UNC5A: variants seen among roughly 807,000 people sequenced by gnomAD.
UNC5A encodes the protein netrin receptor UNC5A.
UNC5A carries 20 observed loss-of-function variants against 87.4 expected under a neutral mutation model. The observed-to-expected ratio is 0.23, with a 90% CI of 0.16 to 0.33. The LOEUF is 0.33. Ranked by LOEUF, UNC5A falls within the 10% of genes least tolerant of loss-of-function variation. UNC5A has a pLI of 1.00. For missense variants in UNC5A, 844 were observed against 1,133.4 expected (o/e 0.74, Z 3.67); for synonymous variants, 438 against 482.3 (o/e 0.91, Z 1.20).
intron 14 of UNC5A, 73 bp downstream of exon 14, chr5:176,879,561 T>G: frequency 6.5e-7 from 1 of 1,546,552 alleles, no homozygotes; most frequent in South Asian, 1.3e-5. Flanking sequence ...GTGGGTGAGG[T>G]GGACAGGAGG....
At chr5:176,828,300 C>T (rs993863136) in intron 1 of UNC5A, among the ~76,000 whole-genome samples, 2 of 152,172 alleles carry the variant, frequency 1.3e-5, no homozygotes, top group African/African-American at 2.4e-5. Context: ...TGTTTTAAAG[C>T]ATCAGGGTGA....
At chr5:176,860,876 T>C (rs1382245510) in intron 1 of UNC5A, among the ~76,000 whole-genome samples, 1 of 152,014 alleles carries the variant, frequency 6.6e-6, no homozygotes, top group Non-Finnish European at 1.5e-5. Context: ...AAAGCCAAGC[T>C]GGGGAGAGGC....
intron 1 of UNC5A, among the ~76,000 whole-genome samples, chr5:176,831,881 CTCTCTTTTTTT>C (rs1481878357): frequency 2.2e-4 from 7 of 31,242 alleles, no homozygotes; most frequent in African/African-American, 2.8e-4. Flanking sequence ...CACTTTCTCT[CTCTCTTTTTTT>C]TTTTTTTTTT....
chr5:176,850,027 G>A (rs977434454), intron 1 of UNC5A, among the ~76,000 whole-genome samples: 5 of 152,220 alleles, frequency 3.3e-5, no homozygotes, highest in African/African-American at 7.2e-5. Flanking sequence ...GGCTGACAGC[G>A]GAGGCAGGTG....
intron 1 of UNC5A, among the ~76,000 whole-genome samples, chr5:176,861,388 G>A (rs1307269827): frequency 1.3e-5 from 2 of 152,182 alleles, no homozygotes; most frequent in Non-Finnish European, 2.9e-5. Context: ...TGAACCCTCG[G>A]TCCGAGCCTG....
Position 176,875,265 on chromosome 5 carries a change from C to T in UNC5A, c.1378+699C>T, listed in dbSNP as rs553326881. On this transcript the variant is annotated intron_variant, in intron 8 of 14. Coordinates refer to ENST00000329542, the MANE Select transcript of UNC5A (RefSeq NM_133369.3). This position sits in a 1 kb window ranked among gnomAD's most constrained non-coding sequence, Gnocchi z 5.2. ...ATCCTTAGCCTGCAGTTCTCCCGGG[C>T]GACAGAACTGTACACCCAGCTGCCT... Among the ~76,000 whole-genome samples the T allele has an allele frequency of 7.9e-5, 12 of 152,268 alleles. 1 individual carries two copies. The highest frequency in any genetic ancestry group is 2.9e-5 in the Non-Finnish European group (2 of 68,024).
intron 9 of UNC5A, 71 bp downstream of exon 9, chr5:176,877,350 C>T: frequency 6.9e-7 from 1 of 1,450,754 alleles, no homozygotes; most frequent in Non-Finnish European, 9.5e-7. Context: ...AGGAAGCCCC[C>T]TGCCCACCCA....
intron 1 of UNC5A, among the ~76,000 whole-genome samples, chr5:176,835,898 T>C (rs1757140074): frequency 6.6e-6 from 1 of 152,180 alleles, no homozygotes; most frequent in South Asian, 2.1e-4. Context: ...ACAAAAGGCC[T>C]GGATGAATAA....
chr5:176,832,085 C>T (rs780654684), intron 1 of UNC5A, among the ~76,000 whole-genome samples: 2 of 151,796 alleles, frequency 1.3e-5, no homozygotes, highest in African/African-American at 4.8e-5. Flanking sequence ...TTATTAGAGA[C>T]GGGGTTTCAC....
In UNC5A at chr5:176,870,541, CCT is replaced by C; in HGVS notation, c.886+12_886+13del. The C allele has an allele frequency of 6.4e-7, 1 of 1,572,842 alleles. No homozygotes were observed. The highest frequency in any genetic ancestry group is 8.7e-7 in the Non-Finnish European group (1 of 1,153,174). ...AGTGACCTCTGTGTACACAGTGAGT[CCT>C]CTCTGCCCTGAGGTCCTCTTCTGTT... On this transcript the variant is annotated splice_region_variant and intron_variant, in intron 6 of 14. Coordinates refer to ENST00000329542, the MANE Select transcript of UNC5A (RefSeq NM_133369.3).
At chr5:176,833,692 C>CT (rs1354241380) in intron 1 of UNC5A, among the ~76,000 whole-genome samples, 7 of 151,446 alleles carry the variant, frequency 4.6e-5, no homozygotes, top group South Asian at 2.1e-4. Flanking sequence ...CACACAGCCT[C>CT]TTTTTTTATC....
intron 1 of UNC5A, among the ~76,000 whole-genome samples, chr5:176,816,197 C>T (rs928870649): frequency 2.0e-5 from 3 of 152,344 alleles, no homozygotes; most frequent in Admixed American, 6.5e-5. Flanking sequence ...CTCACACCTG[C>T]CCAGCACCTG....
intron 1 of UNC5A, among the ~76,000 whole-genome samples, chr5:176,813,550 G>A (rs1339336673): frequency 3.3e-5 from 5 of 152,202 alleles, no homozygotes; most frequent in African/African-American, 1.2e-4. Context: ...CCTCCCAGGG[G>A]AGAGCTGGTC....
intron 1 of UNC5A, among the ~76,000 whole-genome samples, chr5:176,856,345 C>G (rs914552678): frequency 6.6e-6 from 1 of 152,174 alleles, no homozygotes. Context: ...TTCTCCTGCC[C>G]GCCACTCCGC....
chr5:176,810,907 T>C lies in UNC5A; in HGVS notation c.70+87T>C, dbSNP rs1326949677. 3 of 1,131,370 alleles carry C rather than the reference T, an allele frequency of 2.7e-6. No individual in the cohort carries two copies. Among genetic ancestry groups the C allele is most frequent in the Admixed American group, 4.7e-5 (1 of 21,300 alleles). 70.1% of individuals were successfully genotyped at this position (1,131,370 alleles called of 1,614,324 possible). A position where few individuals can be genotyped will look rare whatever the true frequency, so the allele number is the denominator to read the frequency against. On this transcript the variant is annotated intron_variant, in intron 1 of 14. Transcript: ENST00000329542. This position sits in a 1 kb window ranked among gnomAD's most constrained non-coding sequence, Gnocchi z 7.3. ...TGCTCTGGGGGTCCCTGACCAGCGC[T>C]GCCAGACCCGGCTGGGAGCCCCCCG...
In UNC5A at chr5:176,869,644, G is replaced by A. The variant is rs1758061340; in HGVS notation, c.721+680G>A. 2.9e-6 allele frequency: 2 copies of A among 699,878 alleles called. No individual in the cohort carries two copies. The highest frequency in any genetic ancestry group is 2.0e-5 in the Admixed American group (1 of 49,844). The allele number at this position is 699,878 out of a possible 1,614,324, so 43.4% of individuals were successfully genotyped here. A position where few individuals can be genotyped will look rare whatever the true frequency, so the allele number is the denominator to read the frequency against. Reference sequence around the variant, plus strand: ...GGTGGGTGGTCGACGTGGACCGAGTGGTCCGTCTGCAGCGCCAGCTGTGGG... The same window carrying A: ...GGTGGGTGGTCGACGTGGACCGAGTAGTCCGTCTGCAGCGCCAGCTGTGGG... On this transcript the variant is annotated intron_variant, in intron 5 of 14. Transcript: ENST00000329542. This position sits in a 1 kb window ranked among gnomAD's most constrained non-coding sequence, Gnocchi z 9.1.
At chr5:176,834,172 A>C (rs1757093686) in intron 1 of UNC5A, among the ~76,000 whole-genome samples, 1 of 152,200 alleles carries the variant, frequency 6.6e-6, no homozygotes, top group African/African-American at 2.4e-5. Context: ...GATGCAGTGC[A>C]CCAGTGAACC....
intron 1 of UNC5A, among the ~76,000 whole-genome samples, chr5:176,836,126 A>C (rs1757143410): frequency 6.6e-6 from 1 of 152,238 alleles, no homozygotes; most frequent in South Asian, 2.1e-4. Flanking sequence ...AGCTGGACAG[A>C]GAATGGCCAG....
chr5:176,845,249 G>T (rs1314492569), intron 1 of UNC5A, among the ~76,000 whole-genome samples: 1 of 152,198 alleles, frequency 6.6e-6, no homozygotes, highest in Non-Finnish European at 1.5e-5. Flanking sequence ...CAGAGCCCTC[G>T]CTCCAGAGCT....
Sources: allele counts gnomAD v4.1 joint callset (sites outside exome capture counted in the v4.1 genomes callset), GRCh38; gene constraint gnomAD v4.1.1; non-coding constraint Gnocchi (gnomAD v3.1); transcripts MANE v1.5; gene names NCBI Gene and HGNC (gene_info 2026-07-23, HGNC 2026-07-21).